The following CNTN4 variants were observed in gnomAD, a reference collection of about 807,000 sequenced individuals.
CNTN4 encodes contactin-4.
In CNTN4, 77 loss-of-function variants were observed where a neutral mutation model predicts 122.5. The ratio of observed to expected loss-of-function variants is 0.63; its 90% CI spans 0.52 to 0.76. CNTN4 has a LOEUF of 0.76. CNTN4 is among the 30% of genes least tolerant of loss of function. The probability of loss-of-function intolerance (pLI) is 0.00; values close to 1 mark genes in which losing one functional copy is unlikely to be tolerated. For missense variants in CNTN4, 1,256 were observed against 1,259.1 expected, an observed-to-expected ratio of 1.00 and a Z score of 0.04; for synonymous variants, 512 against 447.0, an observed-to-expected ratio of 1.15 and a Z score of -1.83.
chr3:2,888,788 C>T (rs529696232), intron 10 of CNTN4, among the ~76,000 whole-genome samples: 16 of 152,022 alleles, frequency 1.1e-4, no homozygotes, highest in Non-Finnish European at 2.1e-4. Context: ...AACTCAGTTG[C>T]ACATGCACAT....
chr3:2,292,317 T>C (rs554501848), intron 2 of CNTN4, among the ~76,000 whole-genome samples: 55 of 152,350 alleles, frequency 3.6e-4, no homozygotes, highest in African/African-American at 1.3e-3. Context: ...TGAATAATTG[T>C]CACTTAGGAT....
In CNTN4 at chr3:2,736,316, A is replaced by G; in HGVS notation, c.157A>G (p.Lys53Glu). ...EKKVKLNCEV[K>E]GNPKPHIRWK... ...AAAAGTGAAGCTCAATTGTGAAGTT[A>G]AAGGAAATCCAAAACCTCATATCAG... Residue 53 changes from lysine to glutamate, a missense_variant, in exon 5 of 25, where the codon AAA becomes GAA. Lys to Glu is a moderately conservative substitution (Grantham distance 56). Coordinates refer to ENST00000418658, the MANE Select transcript of CNTN4 (RefSeq NM_175607.3). The G allele has an allele frequency of 6.2e-7, 1 of 1,613,760 alleles. No individual in the cohort carries two copies. Among genetic ancestry groups the G allele is most frequent in the Non-Finnish European group, 8.5e-7 (1 of 1,179,740 alleles).
At chr3:2,494,682 T>A (rs991495412) in intron 3 of CNTN4, among the ~76,000 whole-genome samples, 4 of 152,158 alleles carry the variant, frequency 2.6e-5, no homozygotes, top group African/African-American at 9.7e-5. Flanking sequence ...CTTTTCGGGG[T>A]CATTTCAAAA....
intron 13 of CNTN4, among the ~76,000 whole-genome samples, chr3:2,948,714 T>A (rs2151575353): frequency 6.6e-6 from 1 of 152,334 alleles, no homozygotes; most frequent in South Asian, 2.1e-4. Context: ...TTACCCCATG[T>A]TGAATCACAG....
At chr3:2,117,493 CA>C (rs760148710) in intron 2 of CNTN4, among the ~76,000 whole-genome samples, 1 of 152,166 alleles carries the variant, frequency 6.6e-6, no homozygotes, top group Non-Finnish European at 1.5e-5. Context: ...CATTGGTGAT[CA>C]ACCTCACCCT....
chr3:2,598,894 T>G (rs1231527072), intron 4 of CNTN4, among the ~76,000 whole-genome samples: 1 of 152,132 alleles, frequency 6.6e-6, no homozygotes, highest in East Asian at 1.9e-4. Context: ...TGGTAATAAC[T>G]TTTCCTATTT....
chr3:2,243,818 G>C (rs140802754), intron 2 of CNTN4, among the ~76,000 whole-genome samples: 80 of 152,134 alleles, frequency 5.3e-4, no homozygotes, highest in African/African-American at 1.8e-3. Flanking sequence ...ATTTGATAGA[G>C]TAATCAGTGT....
At chr3:2,848,231 CCT>C (rs1490520310) in intron 7 of CNTN4, among the ~76,000 whole-genome samples, 1 of 151,620 alleles carries the variant, frequency 6.6e-6, no homozygotes, top group Non-Finnish European at 1.5e-5. Context: ...AGAGTGAGAC[CCT>C]GTCTCAAAAA....
chr3:2,893,038 G>A (rs569678437), intron 10 of CNTN4, among the ~76,000 whole-genome samples: 7 of 152,180 alleles, frequency 4.6e-5, no homozygotes, highest in East Asian at 3.9e-4. Context: ...TCTTTCTTGC[G>A]TTTTCCATTA....
At chr3:2,573,378 C>G (rs2079514502) in intron 4 of CNTN4, among the ~76,000 whole-genome samples, 1 of 152,188 alleles carries the variant, frequency 6.6e-6, no homozygotes, top group Non-Finnish European at 1.5e-5. Flanking sequence ...TTTCCCCCAT[C>G]TGGTCAGAGC....
intron 4 of CNTN4, among the ~76,000 whole-genome samples, chr3:2,628,256 G>C (rs2082285993): frequency 6.6e-6 from 1 of 152,150 alleles, no homozygotes; most frequent in African/African-American, 2.4e-5. Flanking sequence ...AGTAACAGAT[G>C]AGAGGGAATT....
At chr3:2,705,744 A>G (rs2086658149) in intron 4 of CNTN4, among the ~76,000 whole-genome samples, 1 of 101,244 alleles carries the variant, frequency 9.9e-6, no homozygotes, top group Non-Finnish European at 1.7e-5. Context: ...TATGATATAT[A>G]TGATATATAA....
intron 14 of CNTN4, among the ~76,000 whole-genome samples, chr3:3,014,634 G>A (rs978062337): frequency 1.3e-5 from 2 of 151,272 alleles, no homozygotes; most frequent in Non-Finnish European, 2.9e-5. Flanking sequence ...GGATTCTGCC[G>A]CTCTCTGCTT....
In CNTN4 at chr3:2,268,386, A is replaced by T. The variant is rs1018714212; in HGVS notation, c.-144-70792A>T. 2.7e-4 allele frequency among the ~76,000 whole-genome samples: 41 copies of T among 152,078 alleles called. 1 individual carries two copies. The highest frequency in any genetic ancestry group is 9.2e-4 in the African/African-American group (38 of 41,436). On this transcript the variant is annotated intron_variant, in intron 2 of 24. Coordinates refer to ENST00000418658, the MANE Select transcript of CNTN4 (RefSeq NM_175607.3). The stretch of plus-strand genomic sequence containing the variant: ...ACATGCGTGTGACTTCTCAGGAATT[A>T]TAACGAGAGCCTGAAAAATTACCAG...
rs2077682734 is a variant in CNTN4 at position 2,533,571 on chromosome 3, T to C, written c.-88-37845T>C. ...TTGGGTTGGTTCCAAGTCTTTGCTATTGTGAATAGTGCCACAATAAACATA... is the reference window on the plus strand; with the variant it reads ...TTGGGTTGGTTCCAAGTCTTTGCTACTGTGAATAGTGCCACAATAAACATA... On this transcript the variant is annotated intron_variant, in intron 3 of 24. Transcript: ENST00000418658. 2.0e-5 allele frequency among the ~76,000 whole-genome samples: 3 copies of C among 152,304 alleles called. No homozygotes were observed. The South Asian group carries it at 6.2e-4, about 32-fold the overall frequency.
At chr3:2,936,960 C>T (rs1176903411) in intron 13 of CNTN4, among the ~76,000 whole-genome samples, 1 of 152,148 alleles carries the variant, frequency 6.6e-6, no homozygotes, top group Admixed American at 6.5e-5. Flanking sequence ...GCAAGATTGA[C>T]TAAGTGGGAC....
chr3:2,335,025 C>T (rs1009641569), intron 2 of CNTN4, among the ~76,000 whole-genome samples: 2 of 152,124 alleles, frequency 1.3e-5, no homozygotes, highest in African/African-American at 4.8e-5. Flanking sequence ...TAACTATTTG[C>T]TATTAGCTGA....
At chr3:2,309,873 G>T (rs1311467166) in intron 2 of CNTN4, among the ~76,000 whole-genome samples, 1 of 152,068 alleles carries the variant, frequency 6.6e-6, no homozygotes, top group African/African-American at 2.4e-5. Context: ...CTCAATTCTG[G>T]CATGCTTGCT....
intron 2 of CNTN4, among the ~76,000 whole-genome samples, chr3:2,156,930 A>G (rs78222737): frequency 0.018 from 2,741 of 152,214 alleles, 69 homozygotes; most frequent in African/African-American, 0.062. Flanking sequence ...ATCTCTGGCA[A>G]CCATTTTGGG....
Sources: gnomAD v4.1 joint callset for allele counts (sites outside exome capture counted in the v4.1 genomes callset) on GRCh38, gnomAD v4.1.1 for gene constraint, MANE v1.5 for transcripts, NCBI Gene and HGNC (gene_info 2026-07-23, HGNC 2026-07-21) for gene names.